Variants in TBCD observed in about 807,000 individuals in gnomAD.
TBCD encodes the protein tubulin-specific chaperone D.
A neutral mutation model predicts 169.3 loss-of-function variants in TBCD; 105 were observed. The ratio of observed to expected loss-of-function variants is 0.62; its 90% confidence interval spans 0.53 to 0.73. TBCD has a LOEUF of 0.73. Among genes scored for constraint, TBCD ranks in the 30% least tolerant of loss-of-function variants. The pLI, the probability that TBCD is intolerant of heterozygous loss-of-function variation, is 0.00. For missense variants in TBCD, 1,444 were observed against 1,600.1 expected (o/e 0.90, Z 1.66); for synonymous variants, 700 against 643.9 (o/e 1.09, Z -1.32).
At chr17:82,895,600 C>T (rs532634569) in intron 17 of TBCD, among the ~76,000 whole-genome samples, 51 of 152,100 alleles carry the variant, frequency 3.4e-4, no homozygotes, top group African/African-American at 1.1e-3. Context: ...TCTTGGGAGA[C>T]GGGAGAGGGC....
At chr17:82,813,727 A>G (rs959882096) in intron 12 of TBCD, among the ~76,000 whole-genome samples, 13 of 152,356 alleles carry the variant, frequency 8.5e-5, no homozygotes, top group Admixed American at 2.0e-4. Context: ...AAAGGACGCA[A>G]GTGCTGATGT....
chr17:82,897,138 G>C (rs555339408), intron 17 of TBCD, among the ~76,000 whole-genome samples: 2 of 152,130 alleles, frequency 1.3e-5, no homozygotes, highest in African/African-American at 4.8e-5. Context: ...TCCTTTTTCA[G>C]ATGCTTCCTT....
chr17:82,777,443 G>T (rs1006429332), intron 6 of TBCD, among the ~76,000 whole-genome samples: 1 of 152,196 alleles, frequency 6.6e-6, no homozygotes, highest in Non-Finnish European at 1.5e-5. Flanking sequence ...TAGCGGCCCC[G>T]AATGCCAGGC....
chr17:82,778,255 C>T (rs533150841), intron 6 of TBCD, among the ~76,000 whole-genome samples: 14 of 152,214 alleles, frequency 9.2e-5, no homozygotes, highest in African/African-American at 2.2e-4. Context: ...TCTCTTGCCT[C>T]GGCACCTGGG....
At position 82,831,981 on chromosome 17, in the gene TBCD, C is replaced by T. The variant is rs779876008; in HGVS notation, c.1318+17047C>T. On this transcript the variant is annotated intron_variant, in intron 13 of 38. Transcript: ENST00000355528. This position sits in a 1 kb window ranked among gnomAD's most constrained non-coding sequence, Gnocchi z 4.6. ...CGCCGACTGGAACAAATGCAGAAGG[C>T]CGAGCTGCGCCTTCCAGAGCAGGCT... 3 of 1,613,084 alleles carry T rather than the reference C, an allele frequency of 1.9e-6. No homozygotes were observed. Among genetic ancestry groups the T allele is most frequent in the East Asian group, 4.5e-5 (2 of 44,878 alleles).
intron 5 of TBCD, among the ~76,000 whole-genome samples, chr17:82,768,879 A>G (rs1211127703): frequency 1.3e-5 from 2 of 152,248 alleles, no homozygotes; most frequent in Non-Finnish European, 1.5e-5. Flanking sequence ...TCTTAACGTT[A>G]TATAAATAAT....
At chr17:82,917,590 C>T (rs1268026679) in intron 23 of TBCD, among the ~76,000 whole-genome samples, 2 of 152,184 alleles carry the variant, frequency 1.3e-5, no homozygotes, top group African/African-American at 4.8e-5. Context: ...TTCTCCTCTC[C>T]CAGAGAGACT....
At chr17:82,775,363 C>T (rs948655356) in intron 6 of TBCD, among the ~76,000 whole-genome samples, 1 of 152,128 alleles carries the variant, frequency 6.6e-6, no homozygotes, top group Non-Finnish European at 1.5e-5. Flanking sequence ...GGTGCTTGGC[C>T]GGTTCCCTCG....
At chr17:82,883,821 G>A (rs1335849426) in intron 14 of TBCD, among the ~76,000 whole-genome samples, 4 of 152,188 alleles carry the variant, frequency 2.6e-5, no homozygotes, top group Non-Finnish European at 5.9e-5. Context: ...CTCCTGCGCC[G>A]CCCCACCACA....
intron 14 of TBCD, among the ~76,000 whole-genome samples, chr17:82,876,696 C>T (rs951424652): frequency 6.6e-6 from 1 of 151,828 alleles, no homozygotes; most frequent in African/African-American, 2.4e-5. Flanking sequence ...TAGTTAAAAA[C>T]AGCGTTTCTC....
rs1462204471 is a variant in TBCD at position 82,782,872 on chromosome 17, TGTTGTCTTCCTGTCCATGGC to T, written c.771+1166_771+1185del. On this transcript the variant is annotated intron_variant, in intron 7 of 38. Coordinates refer to ENST00000355528, the MANE Select transcript of TBCD (RefSeq NM_005993.5). This position sits in a 1 kb window ranked among gnomAD's most constrained non-coding sequence, Gnocchi z 5.1. ...CGCAGAGGCGTCCTCATGTCCTCAG[TGTTGTCTTCCTGTCCATGGC>T]GTTGTCTTCCTGTCTGCGGTGTCGT... 6.7e-6 allele frequency among the ~76,000 whole-genome samples: 1 copy of T among 149,720 alleles called. No individual in the cohort carries two copies. The highest frequency in any genetic ancestry group is 2.0e-4 in the East Asian group (1 of 5,084).
intron 11 of TBCD, among the ~76,000 whole-genome samples, chr17:82,808,426 G>A (rs2051150179): frequency 7.2e-6 from 1 of 138,954 alleles, no homozygotes; most frequent in African/African-American, 2.8e-5. Context: ...AGGTGCGGGG[G>A]CAGTAGGTGT....
In TBCD at chr17:82,939,487, G is replaced by T; in HGVS notation, c.3479+11G>T. On this transcript the variant is annotated intron_variant, in intron 37 of 38. Coordinates refer to ENST00000355528, the MANE Select transcript of TBCD (RefSeq NM_005993.5). ...CAGTGACACTGCGTGGTGAGTGAAGGCCCTTCCTGCACGGCCACCTGGGCC... is the reference window on the plus strand; with the variant it reads ...CAGTGACACTGCGTGGTGAGTGAAGTCCCTTCCTGCACGGCCACCTGGGCC... The T allele has an allele frequency of 6.2e-7, 1 of 1,606,958 alleles. No individual in the cohort carries two copies. Among genetic ancestry groups the T allele is most frequent in the Non-Finnish European group, 8.5e-7 (1 of 1,175,520 alleles).
chr17:82,923,806 G>A lies in TBCD; in HGVS notation c.2260+73G>A, dbSNP rs866744791. The stretch of plus-strand genomic sequence containing the variant: ...AAGCTGCTGGGGAGTGTCTGGGCAC[G>A]GAGGAGGCCTCGGTTGTGCAGTGGA... On this transcript the variant is annotated intron_variant, in intron 26 of 38. Transcript: ENST00000355528. This position sits in a 1 kb window ranked among gnomAD's most constrained non-coding sequence, Gnocchi z 4.6. The A allele has an allele frequency of 1.5e-5, 20 of 1,304,116 alleles. No individual in the cohort carries two copies. The highest frequency in any genetic ancestry group is 8.9e-5 in the African/African-American group (6 of 67,072). 80.8% of individuals were successfully genotyped at this position (1,304,116 alleles called of 1,614,324 possible).
intron 14 of TBCD, among the ~76,000 whole-genome samples, chr17:82,881,493 C>T (rs1346834640): frequency 1.3e-5 from 2 of 152,176 alleles, no homozygotes; most frequent in Non-Finnish European, 2.9e-5. Flanking sequence ...CTGACAGCCC[C>T]GCACCCGCTC....
intron 13 of TBCD, chr17:82,829,660 CTT>C (rs2053296068): frequency 6.0e-6 from 1 of 167,170 alleles, no homozygotes; most frequent in African/African-American, 2.4e-5. Flanking sequence ...TAAATAGCCT[CTT>C]GATGTTTGTG....
At chr17:82,937,674 T>C (rs2062747907) in intron 35 of TBCD, 2 of 611,760 alleles carry the variant, frequency 3.3e-6, no homozygotes, top group Non-Finnish European at 5.7e-6. Flanking sequence ...CTGTGTGCCC[T>C]GGGGGTCGCT....
chr17:82,786,385 T>G (rs1302078871), intron 7 of TBCD, among the ~76,000 whole-genome samples: 1 of 152,104 alleles, frequency 6.6e-6, no homozygotes, highest in African/African-American at 2.4e-5. Flanking sequence ...GTGGTGCCTC[T>G]GCAGGGGAGG....
At chr17:82,882,962 G>A (rs1377212819) in intron 14 of TBCD, among the ~76,000 whole-genome samples, 1 of 152,184 alleles carries the variant, frequency 6.6e-6, no homozygotes, top group Non-Finnish European at 1.5e-5. Flanking sequence ...AGGCTGGAGC[G>A]GGTGACGGTG....
Sources: allele counts gnomAD v4.1 joint callset (sites outside exome capture counted in the v4.1 genomes callset), GRCh38; gene constraint gnomAD v4.1.1; non-coding constraint Gnocchi (gnomAD v3.1); transcripts MANE v1.5; gene names NCBI Gene and HGNC (gene_info 2026-07-23, HGNC 2026-07-21).